The following SMAP1 variants were observed in gnomAD, a reference collection of about 807,000 sequenced individuals.
SMAP1 encodes the protein small ArfGAP 1, also known as stromal membrane-associated protein 1.
Under a neutral mutation model 58.5 loss-of-function variants are expected in SMAP1, and 24 were observed. The ratio of observed to expected loss-of-function variants is 0.41; its 90% CI spans 0.30 to 0.58. The LOEUF is 0.58. SMAP1 is among the 20% of genes least tolerant of loss of function. SMAP1 has a pLI of 0.29. For synonymous variants in SMAP1, 216 were observed against 196.6 expected (o/e 1.10, Z -0.82); for missense variants, 563 against 566.3 (o/e 0.99, Z 0.06).
At chr6:70,757,295 C>T (rs1057312153) in intron 3 of SMAP1, among the ~76,000 whole-genome samples, 1 of 149,326 alleles carries the variant, frequency 6.7e-6, no homozygotes, top group Admixed American at 6.7e-5. Flanking sequence ...ATAAATGGTG[C>T]TGGGAAAACT....
At chr6:70,859,340 G>C (rs772047150) in intron 10 of SMAP1, 24 of 1,548,438 alleles carry the variant, frequency 1.5e-5, no homozygotes, top group African/African-American at 4.1e-5. Context: ...TAATGCAGAA[G>C]GGTGATGCTG....
intron 1 of SMAP1, among the ~76,000 whole-genome samples, chr6:70,688,755 G>A (rs1313131857): frequency 1.3e-5 from 2 of 152,032 alleles, no homozygotes; most frequent in Non-Finnish European, 2.9e-5. Flanking sequence ...TCTTCACATG[G>A]TCTTGCATAG....
chr6:70,735,866 A>G (rs1275089459), intron 2 of SMAP1, among the ~76,000 whole-genome samples: 1 of 152,154 alleles, frequency 6.6e-6, no homozygotes, highest in Non-Finnish European at 1.5e-5. Context: ...TCCCTGCAAC[A>G]TTTCATAATT....
chr6:70,766,250 G>C (rs931403222), intron 3 of SMAP1, among the ~76,000 whole-genome samples: 2 of 152,014 alleles, frequency 1.3e-5, no homozygotes, highest in Non-Finnish European at 2.9e-5. Context: ...TAATCCTTTG[G>C]GTACATACCT....
chr6:70,713,868 A>G (rs757752810), intron 1 of SMAP1, among the ~76,000 whole-genome samples: 1 of 152,050 alleles, frequency 6.6e-6, no homozygotes, highest in Admixed American at 6.6e-5. Flanking sequence ...CTGTATTGCT[A>G]TCAGTTTCTT....
intron 8 of SMAP1, 109 bp downstream of exon 8, chr6:70,852,773 G>C (rs535637885): frequency 1.2e-4 from 159 of 1,276,382 alleles, no homozygotes; most frequent in Admixed American, 8.9e-4. Context: ...TGATTTAAAA[G>C]TCTCCTGTTC....
intron 1 of SMAP1, among the ~76,000 whole-genome samples, chr6:70,714,427 ATC>A (rs1201860732): frequency 6.6e-6 from 1 of 151,950 alleles, no homozygotes; most frequent in Non-Finnish European, 1.5e-5. Flanking sequence ...TCTTGTAATT[ATC>A]TGTGTTAAGC....
intron 1 of SMAP1, among the ~76,000 whole-genome samples, chr6:70,689,680 T>C (rs960014906): frequency 1.3e-5 from 2 of 152,198 alleles, no homozygotes; most frequent in Admixed American, 6.5e-5. Context: ...TCTTTTAATA[T>C]AGAGTCTTCC....
chr6:70,739,710 C>T (rs562910429), intron 2 of SMAP1, among the ~76,000 whole-genome samples: 2 of 152,042 alleles, frequency 1.3e-5, no homozygotes, highest in South Asian at 4.1e-4. Flanking sequence ...CTCCTCTTAC[C>T]TGTATGTTGG....
intron 3 of SMAP1, chr6:70,759,820 C>T (rs776893942): frequency 4.7e-5 from 20 of 428,136 alleles, no homozygotes; most frequent in African/African-American, 8.1e-5. Context: ...CCTTGACGTT[C>T]GACACAGTGA....
intron 2 of SMAP1, among the ~76,000 whole-genome samples, chr6:70,753,563 A>G (rs1366492894): frequency 6.6e-6 from 1 of 152,128 alleles, no homozygotes; most frequent in Non-Finnish European, 1.5e-5. Flanking sequence ...AGGAAGGGTG[A>G]GCTATACTGA....
intron 1 of SMAP1, among the ~76,000 whole-genome samples, chr6:70,724,126 C>A (rs1035230458): frequency 4.7e-5 from 7 of 147,622 alleles, no homozygotes; most frequent in African/African-American, 1.5e-4. Flanking sequence ...TTTGTACTTG[C>A]TGGGGTATTT....
At chr6:70,735,513 C>G (rs1765585540) in intron 2 of SMAP1, among the ~76,000 whole-genome samples, 1 of 152,186 alleles carries the variant, frequency 6.6e-6, no homozygotes, top group African/African-American at 2.4e-5. Context: ...AGCGGTGGCT[C>G]ACTCCTGTAA....
intron 3 of SMAP1, chr6:70,772,833 A>T (rs1304836441): frequency 2.0e-5 from 3 of 152,602 alleles, no homozygotes; most frequent in African/African-American, 7.2e-5. Flanking sequence ...AAGAACATAG[A>T]TGTTGGAATC....
chr6:70,700,687 T>G (rs1179155916), intron 1 of SMAP1, among the ~76,000 whole-genome samples: 1 of 152,134 alleles, frequency 6.6e-6, no homozygotes, highest in Non-Finnish European at 1.5e-5. Context: ...TCTCTCCCCA[T>G]AGCCACCACA....
intron 6 of SMAP1, among the ~76,000 whole-genome samples, chr6:70,799,033 T>G (rs1768731777): frequency 6.6e-6 from 1 of 152,076 alleles, no homozygotes. Context: ...CTTAGAAGAC[T>G]TAGAATTTTA....
intron 2 of SMAP1, among the ~76,000 whole-genome samples, chr6:70,748,896 A>G (rs536266361): frequency 2.6e-5 from 4 of 152,106 alleles, no homozygotes; most frequent in Admixed American, 6.6e-5. Context: ...ATATATATAC[A>G]CAGACTTATA....
At chr6:70,782,138 T>C (rs1767789860) in intron 4 of SMAP1, among the ~76,000 whole-genome samples, 1 of 152,178 alleles carries the variant, frequency 6.6e-6, no homozygotes, top group Admixed American at 6.6e-5. Flanking sequence ...TTTTCTAAGG[T>C]CAGAGTCTTA....
At chr6:70,731,099 T>C (rs1765415447) in intron 1 of SMAP1, among the ~76,000 whole-genome samples, 1 of 152,186 alleles carries the variant, frequency 6.6e-6, no homozygotes, top group Non-Finnish European at 1.5e-5. Context: ...TGTGTCCAGC[T>C]ACTTGATTTT....
Sources: allele counts gnomAD v4.1 joint callset (sites outside exome capture counted in the v4.1 genomes callset), GRCh38; gene constraint gnomAD v4.1.1; transcripts MANE v1.5; gene names NCBI Gene and HGNC (gene_info 2026-07-23, HGNC 2026-07-21).